NXNL2: variants seen among roughly 807,000 people sequenced by gnomAD.
NXNL2 encodes the protein nucleoredoxin-like protein 2.
NXNL2 carries 7 observed loss-of-function variants against 11.1 expected under a neutral mutation model. The observed-to-expected ratio is 0.63, with a 90% CI of 0.36 to 1.18. NXNL2 has a LOEUF of 1.18. NXNL2 is among the 50% of genes most tolerant of loss of function. The pLI is 0.02. For missense variants in NXNL2, 233 were observed against 217.7 expected (o/e 1.07, Z -0.44); for synonymous variants, 109 against 101.8 (o/e 1.07, Z -0.42).
At chr9:88,543,757 C>T (rs1380950740) in intron 1 of NXNL2, among the ~76,000 whole-genome samples, 1 of 152,186 alleles carries the variant, frequency 6.6e-6, no homozygotes, top group Non-Finnish European at 1.5e-5. Flanking sequence ...TCCTTAGGCA[C>T]ACTAGCCACA....
chr9:88,563,470 C>T (rs762882575), intron 1 of NXNL2, among the ~76,000 whole-genome samples: 5 of 152,206 alleles, frequency 3.3e-5, no homozygotes, highest in African/African-American at 7.2e-5. Flanking sequence ...TATCTCGAAC[C>T]GCCCACTCCC....
chr9:88,563,618 A>G (rs1830119141), intron 1 of NXNL2, among the ~76,000 whole-genome samples: 1 of 152,062 alleles, frequency 6.6e-6, no homozygotes. Flanking sequence ...TTTAAATTGG[A>G]TCATGTGGTG....
Position 88,544,930 on chromosome 9 carries a change from C to T in NXNL2, c.*383C>T, listed in dbSNP as rs1341728663. 1.0e-6 allele frequency: 1 copy of T among 976,086 alleles called. No individual in the cohort carries two copies. The highest frequency in any genetic ancestry group is 1.2e-6 in the Non-Finnish European group (1 of 820,090). 60.5% of individuals were successfully genotyped at this position (976,086 alleles called of 1,614,324 possible). A position where few individuals can be genotyped will look rare whatever the true frequency, so the allele number is the denominator to read the frequency against. Reference sequence around the variant, plus strand: ...GCGATCTGTTTATTTTAATGGTATGCTTTCACAACTATCTTAATAAAGTTT... The same window carrying T: ...GCGATCTGTTTATTTTAATGGTATGTTTTCACAACTATCTTAATAAAGTTT... On this transcript the variant is annotated 3_prime_UTR_variant, in exon 2 of 2. Transcript: ENST00000375854.
intron 1 of NXNL2, among the ~76,000 whole-genome samples, chr9:88,562,847 C>A (rs140747320): frequency 4.4e-3 from 662 of 151,766 alleles, no homozygotes; most frequent in Non-Finnish European, 6.3e-3. Context: ...CCCAACACTT[C>A]GGGAGGCCAA....
intron 1 of NXNL2, among the ~76,000 whole-genome samples, chr9:88,567,318 T>A (rs1830190701): frequency 1.3e-5 from 2 of 152,158 alleles, no homozygotes; most frequent in South Asian, 4.1e-4. Flanking sequence ...TTTGTATTTT[T>A]AGTACAGACA....
At chr9:88,540,933 AGATTTTTT>A in intron 1 of NXNL2, among the ~76,000 whole-genome samples, 1 of 116,774 alleles carries the variant, frequency 8.6e-6, no homozygotes, top group East Asian at 2.8e-4. Context: ...CAATCTCAGT[AGATTTTTT>A]TTTTTTTTTT....
rs146062765 is a variant in NXNL2, at chr9:88,535,684, C to G, written c.250C>G (p.Arg84Gly). ...GSSQEMLDFM[R>G]ELHGAWLALP... ...CTCCCAGGAGATGCTGGACTTCATG[C>G]GCGAGCTGCATGGCGCCTGGCTGGC... Residue 84 changes from arginine (R) to glycine (G), a missense_variant, in exon 1 of 2, where the codon CGC becomes GGC. Coordinates refer to ENST00000375854, the MANE Select transcript of NXNL2 (RefSeq NM_001161625.2). 2.6e-4 allele frequency: 410 copies of G among 1,602,830 alleles called. No individual in the cohort carries two copies. Among genetic ancestry groups the G allele is most frequent in the Non-Finnish European group, 3.4e-4 (397 of 1,177,272 alleles).
At chr9:88,573,819 A>G (rs1006941982) in intron 2 of NXNL2, among the ~76,000 whole-genome samples, 1 of 152,250 alleles carries the variant, frequency 6.6e-6, no homozygotes, top group African/African-American at 2.4e-5. Context: ...AAAGATCTGT[A>G]TAGACAGTTC....
intron 1 of NXNL2, among the ~76,000 whole-genome samples, chr9:88,566,999 T>TCTATCTATCTATCTATCTAC (rs1554706812): frequency 2.3e-4 from 33 of 145,796 alleles, no homozygotes; most frequent in Admixed American, 1.2e-3. Flanking sequence ...TATCTATCTA[T>TCTATCTATCTATCTATCTAC]CTATCTATCT....
At chr9:88,539,182 T>C (rs1829695412) in intron 1 of NXNL2, among the ~76,000 whole-genome samples, 4 of 152,004 alleles carry the variant, frequency 2.6e-5, no homozygotes, top group African/African-American at 9.7e-5. Context: ...GCGTCAGAGG[T>C]GGGGAGATTG....
At chr9:88,570,299 G>A (rs1169547749) in intron 1 of NXNL2, among the ~76,000 whole-genome samples, 1 of 151,668 alleles carries the variant, frequency 6.6e-6, no homozygotes, top group Non-Finnish European at 1.5e-5. Context: ...TGGCATTTTC[G>A]TAGAGATGAG....
chr9:88,579,274 G>A (rs1000868968), downstream of NXNL2, among the ~76,000 whole-genome samples: 2 of 152,118 alleles, frequency 1.3e-5, no homozygotes, highest in African/African-American at 4.8e-5. Context: ...TCTTGGTTGC[G>A]GGAGGCCCCT....
At chr9:88,570,487 G>A (rs1830244776) in intron 1 of NXNL2, among the ~76,000 whole-genome samples, 1 of 152,130 alleles carries the variant, frequency 6.6e-6, no homozygotes, top group Non-Finnish European at 1.5e-5. Flanking sequence ...AGATGTACTA[G>A]GTTTGAATCC....
chr9:88,579,447 C>A (rs1830385212), downstream of NXNL2, among the ~76,000 whole-genome samples: 1 of 152,196 alleles, frequency 6.6e-6, no homozygotes, highest in African/African-American at 2.4e-5. Context: ...TCCCTCCTGG[C>A]AGCAGCTGGT....
At chr9:88,569,385 G>A (rs771039015) in intron 1 of NXNL2, among the ~76,000 whole-genome samples, 2 of 152,082 alleles carry the variant, frequency 1.3e-5, no homozygotes, top group Non-Finnish European at 2.9e-5. Flanking sequence ...TGTGCAGTAT[G>A]TAGTTTCTTG....
chr9:88,566,477 A>G lies in NXNL2; in HGVS notation c.303-4610A>G, dbSNP rs180817591. ...ACCACCACACCTGGCTAATTTTTAT[A>G]TTTTTAGTAGAGACAGGGTTTCACC... On this transcript the variant is annotated intron_variant, in intron 1 of 2. Coordinates refer to the NXNL2 transcript ENST00000375855. Among the ~76,000 whole-genome samples, 219 of 152,044 alleles carry G rather than the reference A, an allele frequency of 1.4e-3. 1 individual carries two copies. Among genetic ancestry groups the G allele is most frequent in the African/African-American group, 5.1e-3 (210 of 41,484 alleles).
chr9:88,577,297 G>T (rs979986087), downstream of NXNL2, among the ~76,000 whole-genome samples: 2 of 150,708 alleles, frequency 1.3e-5, no homozygotes, highest in Non-Finnish European at 2.9e-5. Context: ...GTTTGTGACT[G>T]GGCGGGGGGG....
downstream of NXNL2, among the ~76,000 whole-genome samples, chr9:88,548,446 G>A (rs1169988719): frequency 1.4e-5 from 2 of 147,238 alleles, no homozygotes; most frequent in African/African-American, 2.5e-5. Context: ...TGTGGATCAC[G>A]AGGTCAGGAG....
chr9:88,581,595 C>A (rs572199295), intron 1 of NXNL2, among the ~76,000 whole-genome samples: 2 of 152,126 alleles, frequency 1.3e-5, no homozygotes, highest in Admixed American at 1.3e-4. Flanking sequence ...TACAGGCATG[C>A]GCCTGCATGT....
Sources: allele counts gnomAD v4.1 joint callset (sites outside exome capture counted in the v4.1 genomes callset), GRCh38; gene constraint gnomAD v4.1.1; transcripts MANE v1.5; gene names NCBI Gene and HGNC (gene_info 2026-07-23, HGNC 2026-07-21).